CNTNAP2: variants seen among roughly 807,000 people sequenced by gnomAD.
CNTNAP2 encodes contactin associated protein 2.
CNTNAP2 carries 98 observed loss-of-function variants against 155.2 expected under a neutral mutation model. The ratio of observed to expected loss-of-function variants is 0.63; its 90% CI spans 0.54 to 0.75. CNTNAP2 has a LOEUF of 0.75. Ranked by LOEUF, CNTNAP2 falls within the 30% of genes least tolerant of loss-of-function variation. CNTNAP2 has a pLI of 0.00. For missense variants in CNTNAP2, 1,727 were observed against 1,688.1 expected, an observed-to-expected ratio of 1.02 and a Z score of -0.40; for synonymous variants, 651 against 631.2, an observed-to-expected ratio of 1.03 and a Z score of -0.47.
Position 146,262,850 on chromosome 7 carries a change from C to A in CNTNAP2, c.97+145877C>A, listed in dbSNP as rs751748496. Among the ~76,000 whole-genome samples, 10 of 152,212 alleles carry A rather than the reference C, an allele frequency of 6.6e-5. 1 individual carries two copies. The South Asian group carries it at 1.0e-3, about 16-fold the overall frequency. ...TAGGTAGGAACAAGGCATGTGCTTA[C>A]AAATATGCAGAAAGTAATTGGGAAT... On this transcript the variant is annotated intron_variant, in intron 1 of 23. Coordinates refer to ENST00000361727, the MANE Select transcript of CNTNAP2 (RefSeq NM_014141.6).
At chr7:146,645,469 C>T (rs1047438608) in intron 1 of CNTNAP2, among the ~76,000 whole-genome samples, 3 of 152,102 alleles carry the variant, frequency 2.0e-5, no homozygotes, top group Admixed American at 6.6e-5. Context: ...GGTTTCTATC[C>T]CGTCATGTTC....
intron 16 of CNTNAP2, among the ~76,000 whole-genome samples, chr7:148,146,833 T>A (rs1056030285): frequency 6.6e-6 from 1 of 152,134 alleles, no homozygotes; most frequent in African/African-American, 2.4e-5. Flanking sequence ...GTTACCCTCA[T>A]TACACCAACA....
At chr7:148,090,950 G>A (rs977012029) in intron 15 of CNTNAP2, among the ~76,000 whole-genome samples, 5 of 152,050 alleles carry the variant, frequency 3.3e-5, no homozygotes, top group Admixed American at 3.3e-4. Context: ...AGACCATTAT[G>A]TTACATAAAA....
At chr7:147,604,429 A>G (rs1333437751) in intron 12 of CNTNAP2, among the ~76,000 whole-genome samples, 3 of 152,222 alleles carry the variant, frequency 2.0e-5, no homozygotes, top group Non-Finnish European at 4.4e-5. Context: ...ACATTGTCCC[A>G]TGTTCAGCCA....
chr7:146,965,817 TCGCAC>T (rs1176359893), intron 3 of CNTNAP2, among the ~76,000 whole-genome samples: 1 of 152,030 alleles, frequency 6.6e-6, no homozygotes, highest in Non-Finnish European at 1.5e-5. Flanking sequence ...ATGTGAGGGG[TCGCAC>T]ACTTTTGAGT....
rs906932129 is a variant in CNTNAP2 at position 146,489,170 on chromosome 7, C to CT, written c.98-285095dup. ...TCCTTGAATAATTCTTAGGTTAAAC[C>CT]TTTTTTCACATGTACCCTATAAATA... is the stretch of plus-strand genomic sequence containing the variant. On this transcript the variant is annotated intron_variant, in intron 1 of 23. Coordinates refer to ENST00000361727, the MANE Select transcript of CNTNAP2 (RefSeq NM_014141.6). 3.9e-4 allele frequency among the ~76,000 whole-genome samples: 60 copies of CT among 152,092 alleles called. 1 individual carries two copies. The highest frequency in any genetic ancestry group is 4.6e-4 in the Admixed American group (7 of 15,282).
intron 1 of CNTNAP2, among the ~76,000 whole-genome samples, chr7:146,515,859 C>G (rs530246761): frequency 6.6e-6 from 1 of 152,132 alleles, no homozygotes; most frequent in South Asian, 2.1e-4. Flanking sequence ...ATCCTATGAT[C>G]ACTTTTAGAC....
At chr7:147,681,347 A>G (rs1039690396) in intron 13 of CNTNAP2, among the ~76,000 whole-genome samples, 2 of 151,934 alleles carry the variant, frequency 1.3e-5, no homozygotes, top group African/African-American at 4.8e-5. Flanking sequence ...CTGAAACACT[A>G]CAGTTAAACT....
At chr7:146,534,973 T>C (rs920943705) in intron 1 of CNTNAP2, among the ~76,000 whole-genome samples, 6 of 143,362 alleles carry the variant, frequency 4.2e-5, no homozygotes, top group Non-Finnish European at 9.0e-5. Flanking sequence ...CCTAAAATTC[T>C]ATAGTTAATG....
intron 18 of CNTNAP2, among the ~76,000 whole-genome samples, chr7:148,209,816 C>T (rs76156136): frequency 0.022 from 3,302 of 152,316 alleles, 62 homozygotes; most frequent in East Asian, 0.04. Context: ...CAGAATACCA[C>T]GACCTTTCTA....
At chr7:146,220,861 AAG>A (rs1233330750) in intron 1 of CNTNAP2, among the ~76,000 whole-genome samples, 1 of 152,212 alleles carries the variant, frequency 6.6e-6, no homozygotes, top group Non-Finnish European at 1.5e-5. Flanking sequence ...TGGAACTGAA[AAG>A]AGAACAAGAG....
At chr7:147,244,276 C>T (rs1496544) in intron 8 of CNTNAP2, among the ~76,000 whole-genome samples, 27,533 of 152,112 alleles carry the variant, frequency 0.18, 2,834 homozygotes, top group Non-Finnish European at 0.23. Flanking sequence ...TGAACATCTC[C>T]GCTTTATCAG....
intron 21 of CNTNAP2, among the ~76,000 whole-genome samples, chr7:148,354,745 CTT>C (rs1770357159): frequency 6.6e-6 from 1 of 151,714 alleles, no homozygotes; most frequent in Non-Finnish European, 1.5e-5. Flanking sequence ...AATAACCCAA[CTT>C]TCTTTTTATG....
intron 20 of CNTNAP2, among the ~76,000 whole-genome samples, chr7:148,259,265 A>C (rs1486484781): frequency 1.4e-5 from 2 of 143,944 alleles, no homozygotes; most frequent in African/African-American, 5.1e-5. Context: ...CTAAGGTGGA[A>C]GGATCACTTG....
chr7:148,119,650 G>A (rs1252413383), intron 16 of CNTNAP2, among the ~76,000 whole-genome samples: 1 of 152,148 alleles, frequency 6.6e-6, no homozygotes, highest in Non-Finnish European at 1.5e-5. Context: ...AAATGCTATT[G>A]GATTCACAGT....
chr7:148,331,747 G>A (rs796567305), intron 21 of CNTNAP2, among the ~76,000 whole-genome samples: 1 of 150,646 alleles, frequency 6.6e-6, no homozygotes, highest in Non-Finnish European at 1.5e-5. Flanking sequence ...GTGGATGGAT[G>A]GAACGGACGG....
intron 8 of CNTNAP2, among the ~76,000 whole-genome samples, chr7:147,218,308 A>G (rs1803319372): frequency 6.6e-6 from 1 of 151,770 alleles, no homozygotes; most frequent in South Asian, 2.1e-4. Flanking sequence ...TGTTTTTACT[A>G]CATCCAACAA....
intron 1 of CNTNAP2, among the ~76,000 whole-genome samples, chr7:146,514,678 A>G (rs1797515471): frequency 6.6e-6 from 1 of 150,898 alleles, no homozygotes; most frequent in Non-Finnish European, 1.5e-5. Context: ...TTTTTCTTCC[A>G]GTAACTCAAC....
chr7:147,033,351 C>T (rs1231941095), intron 3 of CNTNAP2, among the ~76,000 whole-genome samples: 1 of 151,382 alleles, frequency 6.6e-6, no homozygotes, highest in Non-Finnish European at 1.5e-5. Flanking sequence ...CCTGGCAGTT[C>T]TCTCAAGATT....
Sources: gnomAD v4.1 joint callset for allele counts (sites outside exome capture counted in the v4.1 genomes callset) on GRCh38, gnomAD v4.1.1 for gene constraint, MANE v1.5 for transcripts, NCBI Gene and HGNC (gene_info 2026-07-23, HGNC 2026-07-21) for gene names.